SBF2: variants seen among roughly 807,000 people sequenced by gnomAD.
SBF2 encodes SET binding factor 2.
Under a neutral mutation model 225.2 loss-of-function variants are expected in SBF2, and 112 were observed. That is an observed-to-expected ratio of 0.50 (90% CI 0.43 to 0.58). The LOEUF is 0.58. Ranked by LOEUF, SBF2 falls within the 20% of genes least tolerant of loss-of-function variation. The pLI is 0.00. For missense variants in SBF2, 1,996 were observed against 2,206.2 expected (o/e 0.90, Z 1.91); for synonymous variants, 763 against 773.3 (o/e 0.99, Z 0.22).
At chr11:10,129,441 T>C (rs978798629) in intron 2 of SBF2, among the ~76,000 whole-genome samples, 2 of 152,142 alleles carry the variant, frequency 1.3e-5, no homozygotes, top group East Asian at 3.9e-4. Context: ...AACAGCTATA[T>C]ATCAAACACA....
chr11:10,133,120 C>T lies in SBF2; in HGVS notation c.141+60782G>A, dbSNP rs973033974. Among the ~76,000 whole-genome samples, 13 of 149,198 alleles carry T rather than the reference C, an allele frequency of 8.7e-5. 1 individual carries two copies. The highest frequency in any genetic ancestry group is 3.5e-3 in the Middle Eastern group (1 of 288). On this transcript the variant is annotated intron_variant, in intron 2 of 39. Transcript: ENST00000256190. Reference sequence around the variant, plus strand: ...ACCAGAGCAGCTAGATACAGAGTGTCGATTGGTGCACTCACAAACCTTGAG... The same window carrying T: ...ACCAGAGCAGCTAGATACAGAGTGTTGATTGGTGCACTCACAAACCTTGAG...
Position 10,157,222 on chromosome 11 carries a change from T to C in SBF2, c.141+36680A>G, listed in dbSNP as rs187601151. Among the ~76,000 whole-genome samples, 579 of 152,246 alleles carry C rather than the reference T, an allele frequency of 3.8e-3. 4 individuals carry two copies. Among genetic ancestry groups the C allele is most frequent in the South Asian group, 5.4e-3 (26 of 4,818 alleles). On this transcript the variant is annotated intron_variant, in intron 2 of 39. Transcript: ENST00000256190. ...GAATAACTGGCTAGCCTTACGCAGA[T>C]TATTAAAACTGAACCCCTTCCTTAC...
At chr11:10,139,554 C>A (rs1954546596) in intron 2 of SBF2, among the ~76,000 whole-genome samples, 1 of 152,208 alleles carries the variant, frequency 6.6e-6, no homozygotes, top group Admixed American at 6.5e-5. Flanking sequence ...GCAGATAAGA[C>A]AGGAGTGACT....
In SBF2 at chr11:9,842,756, G is replaced by C; in HGVS notation, c.3125C>G (p.Thr1042Arg). ...KNTSFRTFSK[T>R]IVKGAKRAGK... The stretch of plus-strand genomic sequence containing the variant: ...TGCCCTTTTGGCACCTTTCACAATT[G>C]TTTTTGAGAAGGTACTACAAGTCAT... The change falls in exon 25 of 40, where the codon ACA becomes AGA. Residue 1042 changes from threonine to arginine, a missense_variant. By Grantham distance (71) the Thr-to-Arg change is moderately conservative. Transcript: ENST00000256190. The C allele has an allele frequency of 1.9e-6, 3 of 1,613,938 alleles. No individual in the cohort carries two copies. Among genetic ancestry groups the C allele is most frequent in the Non-Finnish European group, 2.5e-6 (3 of 1,179,960 alleles).
intron 3 of SBF2, 109 bp from the exon 4 acceptor site, chr11:10,031,279 T>C (rs1187371226): frequency 1.9e-6 from 2 of 1,029,572 alleles, no homozygotes; most frequent in African/African-American, 3.3e-5. Flanking sequence ...CAAAATTAAT[T>C]ATAATATAAT....
intron 17 of SBF2, among the ~76,000 whole-genome samples, chr11:9,882,691 C>T (rs1041950965): frequency 1.3e-5 from 2 of 150,324 alleles, no homozygotes; most frequent in Non-Finnish European, 3.0e-5. Flanking sequence ...CCTGTAATCC[C>T]AGCTACTTGG....
intron 1 of SBF2, among the ~76,000 whole-genome samples, chr11:10,284,414 C>T (rs1439579894): frequency 2.0e-5 from 3 of 152,122 alleles, no homozygotes; most frequent in Admixed American, 1.3e-4. Context: ...ATCCACCTCC[C>T]ACCCTCCTTT....
In SBF2 at chr11:9,829,381, G is replaced by T; in HGVS notation, c.3768C>A (p.Val1256=). Residue 1256 remains valine, a synonymous_variant, in exon 28 of 40, where the codon GTC becomes GTA. Coordinates refer to ENST00000256190, the MANE Select transcript of SBF2 (RefSeq NM_030962.4). ...CTGGAGATAGAGCAAAGGCTGGCCT[G>T]ACAGTAAGAGTGCTGTTGCCTCTGA... ...QKLRGNSTLT[V]RPAFALSPGV... 1 of 1,614,156 alleles carries T rather than the reference G, an allele frequency of 6.2e-7. No individual in the cohort carries two copies. The highest frequency in any genetic ancestry group is 1.1e-5 in the South Asian group (1 of 91,076).
rs546464293 is a variant in SBF2 at position 9,790,379 on chromosome 11, C to T, written c.4698+177G>A. On this transcript the variant is annotated intron_variant, in intron 34 of 39. Transcript: ENST00000256190. ...ATTTTTGTGGCAAGAATTTAGGGAA[C>T]AGTCTCCATTTGTGTCACAACCCAA... Among the ~76,000 whole-genome samples, 14 of 152,314 alleles carry T rather than the reference C, an allele frequency of 9.2e-5. No individual in the cohort carries two copies. The East Asian group carries it at 1.3e-3, about 15-fold the overall frequency.
intron 16 of SBF2, among the ~76,000 whole-genome samples, chr11:9,929,938 T>C (rs1262964157): frequency 6.6e-6 from 1 of 151,992 alleles, no homozygotes; most frequent in East Asian, 1.9e-4. Flanking sequence ...GTGTTTTCAT[T>C]GTTCAGCTCC....
intron 2 of SBF2, among the ~76,000 whole-genome samples, chr11:10,189,689 C>T (rs1161233812): frequency 1.3e-5 from 2 of 152,088 alleles, no homozygotes; most frequent in African/African-American, 4.8e-5. Context: ...TAACTGAATG[C>T]TTCTCTTTTT....
At chr11:10,239,350 T>G (rs1043835530) in intron 1 of SBF2, among the ~76,000 whole-genome samples, 5 of 150,674 alleles carry the variant, frequency 3.3e-5, no homozygotes, top group Non-Finnish European at 7.4e-5. Context: ...TGCCATATAC[T>G]TGGAAATTTT....
At chr11:9,787,049 C>T (rs966429394) in intron 36 of SBF2, among the ~76,000 whole-genome samples, 10 of 152,152 alleles carry the variant, frequency 6.6e-5, no homozygotes, top group African/African-American at 2.4e-4. Flanking sequence ...GCATGCGCCA[C>T]CACACCCAGC....
At chr11:9,850,543 C>T (rs1856850989) in intron 21 of SBF2, among the ~76,000 whole-genome samples, 3 of 152,310 alleles carry the variant, frequency 2.0e-5, no homozygotes, top group African/African-American at 4.8e-5. Flanking sequence ...CAGGCATGAG[C>T]CACCATAGAA....
intron 16 of SBF2, chr11:9,959,625 T>C: frequency 1.3e-6 from 1 of 758,530 alleles, no homozygotes; most frequent in Non-Finnish European, 2.5e-6. Flanking sequence ...ACCAAAATTC[T>C]ACTCAGGTAA....
intron 2 of SBF2, among the ~76,000 whole-genome samples, chr11:10,188,029 CAG>C (rs902295158): frequency 1.3e-5 from 2 of 152,074 alleles, no homozygotes; most frequent in African/African-American, 4.8e-5. Context: ...TTATTATTAT[CAG>C]AGAGAGTAAA....
intron 2 of SBF2, among the ~76,000 whole-genome samples, chr11:10,085,605 A>G (rs757643179): frequency 1.2e-4 from 19 of 152,170 alleles, no homozygotes; most frequent in East Asian, 3.8e-4. Context: ...CGGTATGAAC[A>G]TATTTTTAAA....
chr11:9,939,742 T>C (rs939445243), intron 16 of SBF2, among the ~76,000 whole-genome samples: 1 of 152,198 alleles, frequency 6.6e-6, no homozygotes, highest in East Asian at 1.9e-4. Flanking sequence ...CCAATACTTA[T>C]TAACTACAGG....
At chr11:9,975,236 T>A (rs917607734) in intron 13 of SBF2, among the ~76,000 whole-genome samples, 1 of 152,184 alleles carries the variant, frequency 6.6e-6, no homozygotes, top group Non-Finnish European at 1.5e-5. Context: ...GTTTTATTCA[T>A]TATTGCTAAA....
Sources: gnomAD v4.1 joint callset for allele counts (sites outside exome capture counted in the v4.1 genomes callset) on GRCh38, gnomAD v4.1.1 for gene constraint, MANE v1.5 for transcripts, NCBI Gene and HGNC (gene_info 2026-07-23, HGNC 2026-07-21) for gene names.